Variants in ELP4 observed in about 807,000 individuals in gnomAD.
ELP4 encodes elongator acetyltransferase complex subunit 4.
ELP4 carries 51 observed loss-of-function variants against 48.9 expected under a neutral mutation model. The observed-to-expected ratio is 1.04, with a 90% confidence interval of 0.83 to 1.32. The LOEUF (loss-of-function observed/expected upper bound fraction) is 1.32, where lower values mean the gene tolerates loss of function less well. Among genes scored for constraint, ELP4 ranks in the 40% most tolerant of loss-of-function variants. The pLI is 0.00. For missense variants in ELP4, 519 were observed against 514.6 expected (o/e 1.01, Z -0.08); for synonymous variants, 210 against 189.2 (o/e 1.11, Z -0.90).
chr11:31,729,738 A>G (rs992960278), intron 9 of ELP4, among the ~76,000 whole-genome samples: 5 of 152,216 alleles, frequency 3.3e-5, no homozygotes, highest in Non-Finnish European at 7.3e-5. Context: ...TAATTATAAA[A>G]TTGGTTATCA....
chr11:31,709,930 T>C (rs1419760850), intron 9 of ELP4, among the ~76,000 whole-genome samples: 1 of 152,188 alleles, frequency 6.6e-6, no homozygotes, highest in Non-Finnish European at 1.5e-5. Flanking sequence ...CCTTCTCTGA[T>C]CATGCTATTA....
intron 3 of ELP4, among the ~76,000 whole-genome samples, chr11:31,543,600 G>C (rs953089068): frequency 9.2e-5 from 14 of 152,240 alleles, no homozygotes; most frequent in Admixed American, 7.8e-4. Context: ...CAAACTCCAA[G>C]TTTTAAAAGT....
intron 9 of ELP4, among the ~76,000 whole-genome samples, chr11:31,723,370 A>T: frequency 6.7e-6 from 1 of 150,290 alleles, no homozygotes. Context: ...AGGTCCACAC[A>T]TACTTCATTG....
At chr11:31,524,644 A>T (rs1956269820) in intron 2 of ELP4, among the ~76,000 whole-genome samples, 1 of 152,192 alleles carries the variant, frequency 6.6e-6, no homozygotes, top group Non-Finnish European at 1.5e-5. Context: ...TTTAAATCAT[A>T]TTATTTCCTG....
intron 3 of ELP4, among the ~76,000 whole-genome samples, chr11:31,563,351 G>C (rs1453748335): frequency 6.6e-6 from 1 of 152,038 alleles, no homozygotes; most frequent in African/African-American, 2.4e-5. Context: ...TTATGCCCTA[G>C]AGAACATAAA....
At chr11:31,684,819 T>C (rs1050197306) in intron 9 of ELP4, among the ~76,000 whole-genome samples, 1 of 152,196 alleles carries the variant, frequency 6.6e-6, no homozygotes, top group African/African-American at 2.4e-5. Context: ...CAATCTGATA[T>C]GAAAGACTGT....
At chr11:31,595,575 T>C (rs1160071784) in intron 4 of ELP4, among the ~76,000 whole-genome samples, 3 of 152,242 alleles carry the variant, frequency 2.0e-5, no homozygotes, top group Admixed American at 6.5e-5. Flanking sequence ...GTCTTCCACA[T>C]TGACATCAGT....
chr11:31,596,521 G>A (rs182581774), intron 4 of ELP4, among the ~76,000 whole-genome samples: 1 of 152,222 alleles, frequency 6.6e-6, no homozygotes, highest in African/African-American at 2.4e-5. Flanking sequence ...ATTTTCTCTT[G>A]TACCTCCAGC....
chr11:31,759,741 C>T (rs902940192), intron 9 of ELP4, among the ~76,000 whole-genome samples: 19 of 149,026 alleles, frequency 1.3e-4, no homozygotes, highest in Admixed American at 2.7e-4. Context: ...GAGTCTCGCT[C>T]TGTCACCCAG....
At chr11:31,548,054 G>A (rs1943253089) in intron 3 of ELP4, among the ~76,000 whole-genome samples, 1 of 152,162 alleles carries the variant, frequency 6.6e-6, no homozygotes, top group Admixed American at 6.5e-5. Context: ...AAAACTGGAA[G>A]CATTCCCTTT....
intron 9 of ELP4, among the ~76,000 whole-genome samples, chr11:31,666,643 G>T (rs189879775): frequency 6.8e-5 from 10 of 146,664 alleles, no homozygotes; most frequent in Non-Finnish European, 1.2e-4. Flanking sequence ...AGTGAGCCGA[G>T]ATTGCGCCAC....
At chr11:31,616,741 C>T (rs1944493266) in intron 5 of ELP4, among the ~76,000 whole-genome samples, 1 of 151,946 alleles carries the variant, frequency 6.6e-6, no homozygotes, top group African/African-American at 2.4e-5. Flanking sequence ...AATAACCTGA[C>T]TTTATAAAAT....
At chr11:31,569,096 T>TA (rs1203133098) in intron 3 of ELP4, among the ~76,000 whole-genome samples, 2 of 144,026 alleles carry the variant, frequency 1.4e-5, no homozygotes, top group African/African-American at 5.1e-5. Flanking sequence ...AAAAAAAAAA[T>TA]AAAAAAAAGG....
intron 3 of ELP4, among the ~76,000 whole-genome samples, chr11:31,577,746 T>C (rs930515619): frequency 5.3e-5 from 8 of 152,110 alleles, no homozygotes; most frequent in Non-Finnish European, 4.4e-5. Flanking sequence ...ATTCAACAGC[T>C]GTTCATGCTA....
intron 3 of ELP4, among the ~76,000 whole-genome samples, chr11:31,555,213 G>A (rs747004286): frequency 6.6e-6 from 1 of 152,020 alleles, no homozygotes; most frequent in African/African-American, 2.4e-5. Flanking sequence ...TTGTAGGGTC[G>A]GTTGATATGC....
chr11:31,514,492 A>C (rs934781380), intron 1 of ELP4, among the ~76,000 whole-genome samples: 1 of 152,180 alleles, frequency 6.6e-6, no homozygotes, highest in South Asian at 2.1e-4. Flanking sequence ...AGTGACTTAG[A>C]AAGTGTGTTG....
chr11:31,568,032 C>T (rs1306955363), intron 3 of ELP4, among the ~76,000 whole-genome samples: 2 of 152,178 alleles, frequency 1.3e-5, no homozygotes, highest in Non-Finnish European at 2.9e-5. Flanking sequence ...CAGCATTTTA[C>T]CCACAGTAGA....
chr11:31,789,790 G>A lies in ELP4; in HGVS notation c.*6266G>A. ...TTTCAAGTCCATTCCTTCCCCAGTGGTACAATACAGGACACAATTGTAGAA... is the reference window on the plus strand; with the variant it reads ...TTTCAAGTCCATTCCTTCCCCAGTGATACAATACAGGACACAATTGTAGAA... On this transcript the variant is annotated 3_prime_UTR_variant, in exon 10 of 10. Coordinates refer to ENST00000640961, the MANE Select transcript of ELP4 (RefSeq NM_019040.5). 2 of 766,372 alleles carry A rather than the reference G, an allele frequency of 2.6e-6. No homozygotes were observed. Among genetic ancestry groups the A allele is most frequent in the South Asian group, 2.9e-5 (2 of 68,580 alleles). 47.5% of individuals were successfully genotyped at this position (766,372 alleles called of 1,614,324 possible). A position where few individuals can be genotyped will look rare whatever the true frequency, so the allele number is the denominator to read the frequency against.
At chr11:31,618,550 C>T (rs1279759291) in intron 5 of ELP4, among the ~76,000 whole-genome samples, 1 of 152,058 alleles carries the variant, frequency 6.6e-6, no homozygotes, top group African/African-American at 2.4e-5. Context: ...TTTCAAAGGT[C>T]CCACCACTTA....
Sources: gnomAD v4.1 joint callset for allele counts (sites outside exome capture counted in the v4.1 genomes callset) on GRCh38, gnomAD v4.1.1 for gene constraint, MANE v1.5 for transcripts, NCBI Gene and HGNC (gene_info 2026-07-23, HGNC 2026-07-21) for gene names.